The following MYO16 variants were observed in gnomAD, a reference collection of about 807,000 sequenced individuals.
MYO16 encodes the protein unconventional myosin-XVI.
Under a neutral mutation model 205.3 loss-of-function variants are expected in MYO16, and 94 were observed. The observed-to-expected ratio is 0.46, with a 90% CI of 0.39 to 0.54. MYO16 has a LOEUF of 0.54. Ranked by LOEUF, MYO16 falls within the 20% of genes least tolerant of loss-of-function variation. MYO16 has a pLI of 0.00. For missense variants in MYO16, 2,315 were observed against 2,387.5 expected, an observed-to-expected ratio of 0.97 and a Z score of 0.63; for synonymous variants, 988 against 954.0, an observed-to-expected ratio of 1.04 and a Z score of -0.66.
intron 4 of MYO16, among the ~76,000 whole-genome samples, chr13:108,765,700 A>T (rs1885756852): frequency 6.6e-6 from 1 of 152,170 alleles, no homozygotes; most frequent in Non-Finnish European, 1.5e-5. Context: ...CAAACGTTTT[A>T]CTGTCAATAT....
At chr13:108,665,494 G>T (rs368581528) in intron 1 of MYO16, among the ~76,000 whole-genome samples, 15 of 152,204 alleles carry the variant, frequency 9.9e-5, no homozygotes, top group East Asian at 9.7e-4. Context: ...AGGTTGTTCT[G>T]AAAAAGTTTG....
intron 28 of MYO16, among the ~76,000 whole-genome samples, chr13:109,111,352 G>T (rs1446555782): frequency 6.6e-6 from 1 of 152,174 alleles, no homozygotes; most frequent in Non-Finnish European, 1.5e-5. Flanking sequence ...AAAAGATTGT[G>T]TTGTTCATAT....
chr13:109,041,616 A>T (rs1886887324), intron 23 of MYO16, among the ~76,000 whole-genome samples: 2 of 152,150 alleles, frequency 1.3e-5, no homozygotes, highest in South Asian at 4.1e-4. Context: ...TGATGTAAAT[A>T]TTCTATATTT....
intron 33 of MYO16, among the ~76,000 whole-genome samples, chr13:109,165,468 C>A (rs1450578869): frequency 2.0e-5 from 3 of 152,122 alleles, no homozygotes; most frequent in African/African-American, 7.2e-5. Context: ...TCAATGAGTG[C>A]CACATTTAGA....
At chr13:108,924,450 G>A (rs1358597703) in intron 16 of MYO16, among the ~76,000 whole-genome samples, 3 of 152,148 alleles carry the variant, frequency 2.0e-5, no homozygotes, top group Non-Finnish European at 2.9e-5. Flanking sequence ...GCTCCAGGGA[G>A]CCACCCTCAC....
intron 4 of MYO16, among the ~76,000 whole-genome samples, chr13:108,774,259 T>C (rs889022720): frequency 6.6e-6 from 1 of 152,240 alleles, no homozygotes. Flanking sequence ...TTGGTTCATA[T>C]GCCATATGGC....
the MYO16 span, among the ~76,000 whole-genome samples, chr13:108,588,261 G>C: frequency 6.6e-6 from 1 of 152,098 alleles, no homozygotes; most frequent in Non-Finnish European, 1.5e-5. Flanking sequence ...CACAATCAAC[G>C]CTGCCTATGT....
rs369966329 is a variant in MYO16, at chr13:109,019,875, C to T, written c.2760C>T (p.His920=). 2.1e-5 allele frequency: 34 copies of T among 1,613,998 alleles called. No homozygotes were observed. Among genetic ancestry groups the T allele is most frequent in the African/African-American group, 1.1e-4 (8 of 74,906 alleles). ...DGNGNVALKD[H]GTAFTIMHYA... is the part of the protein sequence containing the mutation. Reference sequence around the variant, plus strand: ...ATGGGAATGTTGCCCTCAAAGACCACGGTACAGCCTTCACCATCATGCACT... The same window carrying T: ...ATGGGAATGTTGCCCTCAAAGACCATGGTACAGCCTTCACCATCATGCACT... Residue 920 remains histidine (H), a synonymous_variant, in exon 23 of 35, where the codon CAC becomes CAT. Transcript: ENST00000457511.
intron 10 of MYO16, among the ~76,000 whole-genome samples, chr13:108,844,869 T>G (rs939237204): frequency 1.4e-4 from 21 of 152,304 alleles, no homozygotes; most frequent in African/African-American, 4.8e-4. Context: ...AACCAGTCAC[T>G]GAATCATTTA....
intron 16 of MYO16, among the ~76,000 whole-genome samples, chr13:108,954,610 C>A (rs1172634736): frequency 7.2e-5 from 11 of 152,078 alleles, no homozygotes; most frequent in Admixed American, 7.2e-4. Context: ...GGCGTGGCGA[C>A]ATGTGCCTGT....
At chr13:108,661,676 C>T (rs575531865) in intron 1 of MYO16, among the ~76,000 whole-genome samples, 6 of 152,100 alleles carry the variant, frequency 3.9e-5, no homozygotes, top group Admixed American at 6.5e-5. Flanking sequence ...ATGAATATTT[C>T]CCCTTTCATT....
At chr13:108,858,953 G>A (rs1252491448) in intron 11 of MYO16, among the ~76,000 whole-genome samples, 1 of 152,118 alleles carries the variant, frequency 6.6e-6, no homozygotes, top group Non-Finnish European at 1.5e-5. Context: ...GGCTTTGCCT[G>A]AGTAATTTGA....
At chr13:108,739,274 C>T (rs1018547767) in intron 4 of MYO16, among the ~76,000 whole-genome samples, 10 of 151,966 alleles carry the variant, frequency 6.6e-5, no homozygotes, top group African/African-American at 2.4e-4. Context: ...GTGGCTGGTA[C>T]CAGTTGTTCC....
At chr13:108,880,249 A>G (rs538826338) in intron 12 of MYO16, among the ~76,000 whole-genome samples, 57 of 152,266 alleles carry the variant, frequency 3.7e-4, no homozygotes, top group Non-Finnish European at 6.9e-4. Flanking sequence ...TTCTTTGTAG[A>G]TTCTGGATAT....
At chr13:108,925,163 C>T (rs547913057) in intron 16 of MYO16, among the ~76,000 whole-genome samples, 93 of 152,022 alleles carry the variant, frequency 6.1e-4, no homozygotes, top group African/African-American at 1.6e-3. Flanking sequence ...TCTGAAAGGG[C>T]GGCACTCTCT....
chr13:109,053,605 A>G (rs762070850), intron 25 of MYO16, among the ~76,000 whole-genome samples: 2 of 152,058 alleles, frequency 1.3e-5, no homozygotes. Context: ...CCTAGGTGCC[A>G]TTACTCTTTT....
chr13:108,784,508 T>C (rs969722513), intron 4 of MYO16, among the ~76,000 whole-genome samples: 1 of 152,176 alleles, frequency 6.6e-6, no homozygotes, highest in Non-Finnish European at 1.5e-5. Flanking sequence ...TTGTTTGTTT[T>C]GGGTTTTTAA....
the MYO16 span, among the ~76,000 whole-genome samples, chr13:108,520,836 C>T: frequency 1.3e-5 from 2 of 152,170 alleles, no homozygotes; most frequent in African/African-American, 2.4e-5. Context: ...TGATAACTCG[C>T]AGTGGATGTT....
At chr13:109,154,038 C>T (rs781185161) in intron 32 of MYO16, among the ~76,000 whole-genome samples, 1 of 152,242 alleles carries the variant, frequency 6.6e-6, no homozygotes, top group African/African-American at 2.4e-5. Flanking sequence ...AATCTACCAC[C>T]AGAAAGAGAT....
Sources: gnomAD v4.1 joint callset for allele counts (sites outside exome capture counted in the v4.1 genomes callset) on GRCh38, gnomAD v4.1.1 for gene constraint, MANE v1.5 for transcripts, NCBI Gene and HGNC (gene_info 2026-07-23, HGNC 2026-07-21) for gene names.